CDIN1: variants seen among roughly 807,000 people sequenced by gnomAD.
The protein encoded by CDIN1 is CDAN1-interacting nuclease 1.
CDIN1 carries 33 observed loss-of-function variants against 45.3 expected under a neutral mutation model. The ratio of observed to expected loss-of-function variants is 0.73; its 90% CI spans 0.55 to 0.97. The LOEUF (loss-of-function observed/expected upper bound fraction) is 0.97, where lower values mean the gene tolerates loss of function less well. CDIN1 is among the 50% of genes least tolerant of loss of function. The probability of loss-of-function intolerance (pLI) is 0.00; values close to 1 mark genes in which losing one functional copy is unlikely to be tolerated. For missense variants in CDIN1, 303 were observed against 339.4 expected (o/e 0.89, Z 0.84); for synonymous variants, 118 against 124.4 (o/e 0.95, Z 0.34).
chr15:36,676,659 G>A (rs1482210301), intron 5 of CDIN1, among the ~76,000 whole-genome samples: 1 of 152,064 alleles, frequency 6.6e-6, no homozygotes, highest in East Asian at 1.9e-4. Context: ...GTAAATTTCG[G>A]TAGGTCTTTG....
Position 36,703,401 on chromosome 15 carries a change from A to ATC in CDIN1, c.545-5821_545-5820insCT, listed in dbSNP as rs67311485. Among the ~76,000 whole-genome samples the ATC allele has an allele frequency of 4.2e-3, 253 of 60,206 alleles. 67 individuals carry two copies. The South Asian group carries it at 0.051, about 12-fold the overall frequency. 39.5% of individuals were successfully genotyped at this position (60,206 alleles called of 152,430 possible). On this transcript the variant is annotated intron_variant, in intron 8 of 10. Transcript: ENST00000566621. Reference sequence around the variant, plus strand: ...ATATATATATCAGATATATATATATATGATATACATATATATCAGATATAT... The same window carrying ATC: ...ATATATATATCAGATATATATATATATCTGATATACATATATATCAGATATAT...
At chr15:36,639,800 C>A (rs908523310) in intron 1 of CDIN1, among the ~76,000 whole-genome samples, 1 of 152,092 alleles carries the variant, frequency 6.6e-6, no homozygotes, top group East Asian at 1.9e-4. Flanking sequence ...ACCAGTCCCC[C>A]CAACAGATAC....
intron 1 of CDIN1, among the ~76,000 whole-genome samples, chr15:36,633,078 C>G (rs1273434512): frequency 6.6e-6 from 1 of 152,188 alleles, no homozygotes; most frequent in Non-Finnish European, 1.5e-5. Flanking sequence ...ATTTATCCAA[C>G]TCCTCCTCAA....
intron 8 of CDIN1, chr15:36,705,366 A>G (rs1023066291): frequency 6.6e-6 from 1 of 152,198 alleles, no homozygotes; most frequent in East Asian, 1.9e-4. Context: ...ATCTTCCAAG[A>G]TGAAAATAAA....
chr15:36,703,332 TAGATCTATCAGATATATACATATATCA>T (rs2042724837), intron 8 of CDIN1, among the ~76,000 whole-genome samples: 1 of 134,468 alleles, frequency 7.4e-6, no homozygotes, highest in African/African-American at 3.0e-5. Flanking sequence ...ATATATCAGA[TAGATCTATCAGATATATACATATATCA>T]GATAGATCTA....
chr15:36,612,576 C>G (rs4923719), intron 1 of CDIN1, among the ~76,000 whole-genome samples: 35,279 of 151,982 alleles, frequency 0.23, 4,434 homozygotes, highest in Admixed American at 0.35. Context: ...ATATTCAGAG[C>G]CATTTTAAAG....
At chr15:36,607,681 C>A (rs1259132648) in intron 1 of CDIN1, among the ~76,000 whole-genome samples, 2 of 151,926 alleles carry the variant, frequency 1.3e-5, no homozygotes, top group Middle Eastern at 3.4e-3. Context: ...TATAAGTATT[C>A]TTTTTTCAAT....
intron 1 of CDIN1, among the ~76,000 whole-genome samples, chr15:36,634,150 G>A (rs1449815260): frequency 2.0e-5 from 3 of 152,054 alleles, no homozygotes; most frequent in African/African-American, 7.2e-5. Context: ...AAAACTTTTG[G>A]CTGGGTGTGG....
At chr15:36,739,021 A>C (rs551727736) in intron 10 of CDIN1, among the ~76,000 whole-genome samples, 12 of 152,364 alleles carry the variant, frequency 7.9e-5, no homozygotes, top group Admixed American at 7.2e-4. Flanking sequence ...AAAGTTTCTG[A>C]GACTTGGAAG....
chr15:36,787,076 C>T (rs1374084546), intron 10 of CDIN1, among the ~76,000 whole-genome samples: 1 of 152,172 alleles, frequency 6.6e-6, no homozygotes, highest in African/African-American at 2.4e-5. Context: ...GCATCATTTC[C>T]AGACGTGTGT....
At chr15:36,721,815 G>C (rs567147345) in intron 10 of CDIN1, among the ~76,000 whole-genome samples, 1 of 151,358 alleles carries the variant, frequency 6.6e-6, no homozygotes, top group South Asian at 2.1e-4. Flanking sequence ...TCTGTGGGCA[G>C]CTTTCTCCTG....
Position 36,708,569 on chromosome 15 carries a change from A to G in CDIN1, c.545-654A>G, listed in dbSNP as rs1427116604. On this transcript the variant is annotated intron_variant, in intron 8 of 10. Transcript: ENST00000566621. ...CCTTCCTAATAGATCATTGATATTT[A>G]CAGGGGACTAAGAAATCAAACAGAC... The G allele has an allele frequency of 2.0e-5, 3 of 150,230 alleles. No individual in the cohort carries two copies. In the Admixed American group the frequency reaches 2.0e-4, roughly 10 times the overall value. The allele number at this position is 150,230 out of a possible 1,614,324, so 9.3% of individuals were successfully genotyped here.
intron 10 of CDIN1, among the ~76,000 whole-genome samples, chr15:36,802,374 A>G (rs1230592133): frequency 1.3e-5 from 2 of 152,196 alleles, no homozygotes; most frequent in African/African-American, 2.4e-5. Context: ...ATGATTGGTC[A>G]AGGGCTCCCT....
At chr15:36,602,864 T>C (rs2038175403) in intron 1 of CDIN1, among the ~76,000 whole-genome samples, 2 of 152,146 alleles carry the variant, frequency 1.3e-5, no homozygotes, top group Admixed American at 1.3e-4. Flanking sequence ...GGCAGGCACC[T>C]GTAGTCCCAG....
chr15:36,707,810 C>T (rs147467299), intron 8 of CDIN1: 63 of 152,270 alleles, frequency 4.1e-4, no homozygotes, highest in African/African-American at 1.5e-3. Flanking sequence ...AGTATAGTTA[C>T]AGAACAGAAA....
intron 10 of CDIN1, among the ~76,000 whole-genome samples, chr15:36,757,125 G>C (rs1029559080): frequency 6.6e-6 from 1 of 152,180 alleles, no homozygotes; most frequent in African/African-American, 2.4e-5. Flanking sequence ...CATAATGGCT[G>C]TGCAGTACTC....
At chr15:36,727,128 G>A (rs958740601) in intron 10 of CDIN1, among the ~76,000 whole-genome samples, 4 of 151,956 alleles carry the variant, frequency 2.6e-5, no homozygotes, top group African/African-American at 9.7e-5. Context: ...GATCATAAAT[G>A]TCAGGAAGCA....
chr15:36,587,607 G>A (rs1157179165), intron 1 of CDIN1, among the ~76,000 whole-genome samples: 1 of 152,052 alleles, frequency 6.6e-6, no homozygotes, highest in Admixed American at 6.6e-5. Flanking sequence ...GCTGCCATTG[G>A]TTATGGTTGT....
intron 10 of CDIN1, chr15:36,798,565 T>C (rs1309711240): frequency 6.6e-6 from 1 of 152,230 alleles, no homozygotes; most frequent in African/African-American, 2.4e-5. Context: ...GTATCAGCCC[T>C]AATCCTTCAG....
Sources: gnomAD v4.1 joint callset for allele counts (sites outside exome capture counted in the v4.1 genomes callset) on GRCh38, gnomAD v4.1.1 for gene constraint, MANE v1.5 for transcripts, NCBI Gene and HGNC (gene_info 2026-07-23, HGNC 2026-07-21) for gene names.